DISC1: variants seen among roughly 807,000 people sequenced by gnomAD.
DISC1 encodes disrupted in schizophrenia 1 protein.
In DISC1, 57 loss-of-function variants were observed where a neutral mutation model predicts 84.5. That is an observed-to-expected ratio of 0.67 (90% CI 0.55 to 0.84). DISC1 has a LOEUF of 0.84. DISC1 is among the 40% of genes least tolerant of loss of function. The pLI, the probability that DISC1 is intolerant of heterozygous loss-of-function variation, is 0.00. For synonymous variants in DISC1, 411 were observed against 415.2 expected (o/e 0.99, Z 0.12); for missense variants, 1,000 against 1,057.8 (o/e 0.95, Z 0.76).
At chr1:231,811,835 T>G (rs1004371877) in intron 8 of DISC1, among the ~76,000 whole-genome samples, 1 of 152,354 alleles carries the variant, frequency 6.6e-6, no homozygotes, top group Non-Finnish European at 1.5e-5. Context: ...CTTAGAACTC[T>G]GAAACTCTGT....
intron 4 of DISC1, among the ~76,000 whole-genome samples, chr1:231,759,401 A>G (rs2075424639): frequency 6.6e-6 from 1 of 151,896 alleles, no homozygotes; most frequent in South Asian, 2.1e-4. Context: ...GAAAATTATC[A>G]TTACTGGCTG....
intron 9 of DISC1, among the ~76,000 whole-genome samples, chr1:231,919,628 A>G (rs1220831438): frequency 1.3e-5 from 2 of 152,118 alleles, no homozygotes; most frequent in African/African-American, 4.8e-5. Flanking sequence ...CTGAGACTGG[A>G]CAGAAAGACC....
intron 11 of DISC1, among the ~76,000 whole-genome samples, chr1:232,013,782 T>C (rs1668241707): frequency 6.6e-6 from 1 of 152,166 alleles, no homozygotes; most frequent in African/African-American, 2.4e-5. Context: ...GCCGGACTCC[T>C]CTAAATGGAG....
At chr1:231,774,674 A>G in intron 6 of DISC1, 1 of 456,042 alleles carries the variant, frequency 2.2e-6, no homozygotes, top group Non-Finnish European at 4.4e-6. Context: ...TGCCGTAACC[A>G]TCAACTAGAG....
chr1:231,990,589 C>T (rs1440136321), intron 10 of DISC1, among the ~76,000 whole-genome samples: 4 of 152,184 alleles, frequency 2.6e-5, no homozygotes, highest in African/African-American at 9.7e-5. Flanking sequence ...TCAGACAAAG[C>T]CCAGATTACT....
chr1:231,688,847 G>T (rs1029938000), intron 1 of DISC1, among the ~76,000 whole-genome samples: 1 of 152,178 alleles, frequency 6.6e-6, no homozygotes, highest in Non-Finnish European at 1.5e-5. Context: ...ATTGGAAATA[G>T]AATACAGGTT....
chr1:231,819,785 G>A (rs749131589), intron 9 of DISC1, among the ~76,000 whole-genome samples: 11 of 152,094 alleles, frequency 7.2e-5, no homozygotes, highest in Middle Eastern at 3.4e-3. Context: ...TGGAAACTAC[G>A]GAATTTCTCA....
At chr1:231,859,125 C>G (rs2084466657) in intron 9 of DISC1, among the ~76,000 whole-genome samples, 1 of 152,176 alleles carries the variant, frequency 6.6e-6, no homozygotes, top group Non-Finnish European at 1.5e-5. Flanking sequence ...AAAACAATAC[C>G]TAGTTTCCTG....
intron 9 of DISC1, among the ~76,000 whole-genome samples, chr1:231,893,573 T>A (rs572761100): frequency 6.6e-6 from 1 of 152,344 alleles, no homozygotes; most frequent in African/African-American, 2.4e-5. Context: ...ATCTTGTGGC[T>A]TTGCCATGTG....
intron 9 of DISC1, chr1:231,866,738 G>A: frequency 1.5e-6 from 2 of 1,341,212 alleles, no homozygotes; most frequent in Non-Finnish European, 1.9e-6. Flanking sequence ...TCTAGTCGTC[G>A]TGCTTTGTAT....
chr1:231,776,692 GTCC>G (rs1472066953), intron 6 of DISC1, among the ~76,000 whole-genome samples: 4 of 152,208 alleles, frequency 2.6e-5, no homozygotes, highest in African/African-American at 9.6e-5. Context: ...GCTGATGTCA[GTCC>G]TCCTTGCAAG....
At chr1:231,773,108 T>A (rs1384880131) in intron 6 of DISC1, among the ~76,000 whole-genome samples, 1 of 152,192 alleles carries the variant, frequency 6.6e-6, no homozygotes, top group Non-Finnish European at 1.5e-5. Context: ...AGAGACCATC[T>A]TGTGTACAAC....
Position 231,966,832 on chromosome 1 carries a change from G to T in DISC1, c.2042+7944G>T, listed in dbSNP as rs146095519. Among the ~76,000 whole-genome samples, 100 of 152,272 alleles carry T rather than the reference G, an allele frequency of 6.6e-4. 2 individuals carry two copies. Among genetic ancestry groups the T allele is most frequent in the African/African-American group, 2.3e-3 (96 of 41,540 alleles). On this transcript the variant is annotated intron_variant, in intron 10 of 12. Coordinates refer to ENST00000439617, the MANE Select transcript of DISC1 (RefSeq NM_018662.3). ...GATTATAGCTGATGTTTGTGTCCTT[G>T]TCCTCTAGTGTGTTCCTCAAGTGTT...
At chr1:231,785,663 A>C (rs1221775609) in intron 6 of DISC1, among the ~76,000 whole-genome samples, 1 of 152,034 alleles carries the variant, frequency 6.6e-6, no homozygotes, top group Non-Finnish European at 1.5e-5. Flanking sequence ...TGCTCTTTCC[A>C]TCATTTGTAG....
chr1:231,888,360 AG>A (rs2086928238), intron 9 of DISC1, among the ~76,000 whole-genome samples: 1 of 152,086 alleles, frequency 6.6e-6, no homozygotes, highest in African/African-American at 2.4e-5. Flanking sequence ...ATACCAGAGG[AG>A]GCAAGCCAAG....
At chr1:232,030,523 G>C (rs1669902417) in intron 12 of DISC1, among the ~76,000 whole-genome samples, 1 of 152,200 alleles carries the variant, frequency 6.6e-6, no homozygotes. Flanking sequence ...TGTCTGGGAA[G>C]CCCTTATGGA....
intron 10 of DISC1, among the ~76,000 whole-genome samples, chr1:231,984,896 C>T (rs1342960398): frequency 5.9e-5 from 9 of 152,092 alleles, no homozygotes; most frequent in Non-Finnish European, 1.3e-4. Context: ...GAGGAAAAAG[C>T]TTAGCACGGG....
chr1:231,657,722 A>G (rs1435157389), intron 1 of DISC1, among the ~76,000 whole-genome samples: 1 of 152,174 alleles, frequency 6.6e-6, no homozygotes, highest in Non-Finnish European at 1.5e-5. Context: ...TCTCAGCACC[A>G]TTTATTAAAT....
chr1:231,958,522 T>C (rs1363496458), intron 9 of DISC1, among the ~76,000 whole-genome samples: 1 of 152,222 alleles, frequency 6.6e-6, no homozygotes, highest in Non-Finnish European at 1.5e-5. Context: ...AGGTAAGAGA[T>C]AGAGCACATG....
Sources: gnomAD v4.1 joint callset for allele counts (sites outside exome capture counted in the v4.1 genomes callset) on GRCh38, gnomAD v4.1.1 for gene constraint, MANE v1.5 for transcripts, NCBI Gene and HGNC (gene_info 2026-07-23, HGNC 2026-07-21) for gene names.